The following STARD7 variants were observed in gnomAD, a reference collection of about 807,000 sequenced individuals.
The protein encoded by STARD7 is stAR-related lipid transfer protein 7, mitochondrial.
In STARD7, 30 loss-of-function variants were observed where a neutral mutation model predicts 45.3. The ratio of observed to expected loss-of-function variants is 0.66; its 90% CI spans 0.50 to 0.90. STARD7 has a LOEUF of 0.90. STARD7 is among the 40% of genes least tolerant of loss of function. The probability of loss-of-function intolerance (pLI) is 0.00; values close to 1 mark genes in which losing one functional copy is unlikely to be tolerated. For synonymous variants in STARD7, 199 were observed against 183.0 expected (o/e 1.09, Z -0.70); for missense variants, 495 against 491.3 (o/e 1.01, Z -0.07).
At chr2:96,207,645 A>T (rs1309898075) in intron 1 of STARD7, among the ~76,000 whole-genome samples, 1 of 152,122 alleles carries the variant, frequency 6.6e-6, no homozygotes, top group East Asian at 1.9e-4. Context: ...CCTGGACAAA[A>T]TCGCTTCCAG....
Position 96,193,156 on chromosome 2 carries a change from G to A in STARD7, c.665C>T (p.Pro222Leu), listed in dbSNP as rs764625182. The A allele has an allele frequency of 1.4e-4, 226 of 1,610,906 alleles. No homozygotes were observed. Among genetic ancestry groups the A allele is most frequent in the Non-Finnish European group, 1.8e-4 (209 of 1,177,210 alleles). Residue 222 changes from proline to leucine, a missense_variant, in exon 5 of 8, where the codon CCA becomes CTA. This residue lies in a region of STARD7 where 213 missense variants were observed against 271.2 expected (regional missense o/e 0.79). Transcript: ENST00000337288. The part of the protein sequence containing the change: ...VLHWVTHFPY[P>L]MYSRDYVYVR... ...ATAAACATAATCCCGTGAGTACATTGGATACTAAAGAAATGGAGGAGCAGG... is the reference window on the plus strand; with the variant it reads ...ATAAACATAATCCCGTGAGTACATTAGATACTAAAGAAATGGAGGAGCAGG...
chr2:96,191,659 T>G (rs984405274), intron 6 of STARD7, among the ~76,000 whole-genome samples: 8 of 149,460 alleles, frequency 5.4e-5, no homozygotes, highest in African/African-American at 7.7e-5. Flanking sequence ...TACTTTTTTT[T>G]TTGTTTTTTT....
In STARD7 at chr2:96,208,221, C is replaced by T. The variant is rs763832768; in HGVS notation, c.214G>A (p.Ala72Thr). The T allele has an allele frequency of 1.2e-6, 2 of 1,612,704 alleles. No individual in the cohort carries two copies. The highest frequency in any genetic ancestry group is 1.7e-6 in the Non-Finnish European group (2 of 1,179,622). ...WRRLHGRPGH[A>T]SALMAALAGV... ...GCTAACGCCGCCATCAAGGCAGAGG[C>T]ATGGCCAGGACGGCCGTGCAGCCGG... The change falls in exon 1 of 8, where the codon GCC becomes ACC. Residue 72 changes from alanine (A) to threonine (T), a missense_variant. Ala to Thr is a moderately conservative substitution (Grantham distance 58, BLOSUM62 0). Transcript: ENST00000337288.
intron 1 of STARD7, among the ~76,000 whole-genome samples, chr2:96,196,123 A>AC (rs1318913498): frequency 6.6e-6 from 1 of 150,538 alleles, no homozygotes; most frequent in African/African-American, 2.5e-5. Flanking sequence ...CAAAAAAAAA[A>AC]AAAAAACAAA....
In STARD7 at chr2:96,185,639, G is replaced by C. The variant is rs1683023824; in HGVS notation, c.*1091C>G. 1 of 152,206 alleles carries C rather than the reference G, an allele frequency of 6.6e-6. No individual in the cohort carries two copies. The highest frequency in any genetic ancestry group is 1.5e-5 in the Non-Finnish European group (1 of 68,046). The allele number at this position is 152,206 out of a possible 1,614,324, so 9.4% of individuals were successfully genotyped here. On this transcript the variant is annotated 3_prime_UTR_variant, in exon 8 of 8. Coordinates refer to ENST00000337288, the MANE Select transcript of STARD7 (RefSeq NM_020151.4). ...CATAAACCAAATCTCCACTGTATTA[G>C]TATTTGAGACAAGATTACATCTATG...
At chr2:96,192,505 T>A (rs1352525387) in intron 5 of STARD7, 37 bp from the exon 6 acceptor site, 2 of 1,495,496 alleles carry the variant, frequency 1.3e-6, no homozygotes, top group Non-Finnish European at 1.9e-6. Context: ...CTCTTAGTAA[T>A]GTCTATATAT....
chr2:96,202,602 G>A (rs1683324133), intron 1 of STARD7, among the ~76,000 whole-genome samples: 1 of 152,126 alleles, frequency 6.6e-6, no homozygotes, highest in African/African-American at 2.4e-5. Flanking sequence ...GGTCTATAAA[G>A]CATCCTTCAA....
chr2:96,197,081 T>TGC (rs1683227210), intron 1 of STARD7, among the ~76,000 whole-genome samples: 1 of 119,798 alleles, frequency 8.3e-6, no homozygotes, highest in Admixed American at 8.7e-5. Context: ...TAAAATAAAA[T>TGC]AAAATAAAAT....
rs1573945571 is a variant in STARD7 at position 96,200,618 on chromosome 2, C to G, written c.291-5069G>C. Among the ~76,000 whole-genome samples, 6 of 152,216 alleles carry G rather than the reference C, an allele frequency of 3.9e-5. No homozygotes were observed. In the South Asian group the frequency reaches 1.2e-3, roughly 32 times the overall value. On this transcript the variant is annotated intron_variant, in intron 1 of 7. Transcript: ENST00000337288. Reference sequence around the variant, plus strand: ...TGCAACGCTCGTGTTATTATTTAAACCTTTTTTATATATCTGAAACATTTT... The same window carrying G: ...TGCAACGCTCGTGTTATTATTTAAAGCTTTTTTATATATCTGAAACATTTT...
In STARD7 at chr2:96,192,969, G is replaced by T. The variant is rs183915409; in HGVS notation, c.743+109C>A. 7 of 766,530 alleles carry T rather than the reference G, an allele frequency of 9.1e-6. No homozygotes were observed. The East Asian group carries it at 1.3e-4, about 15-fold the overall frequency. The allele number at this position is 766,530 out of a possible 1,614,324, so 47.5% of individuals were successfully genotyped here. A position where few individuals can be genotyped will look rare whatever the true frequency, so the allele number is the denominator to read the frequency against. On this transcript the variant is annotated intron_variant, in intron 5 of 7. Transcript: ENST00000337288. ...GGATGGAAGGGGCACTGGCTGCAGGGAAGCCTGTGGGAGACTCATAGGACA... is the reference window on the plus strand; with the variant it reads ...GGATGGAAGGGGCACTGGCTGCAGGTAAGCCTGTGGGAGACTCATAGGACA...
Position 96,192,958 on chromosome 2 carries a change from C to T in STARD7, c.743+120G>A. The T allele has an allele frequency of 2.8e-6, 2 of 719,380 alleles. 1 individual carries two copies. Among genetic ancestry groups the T allele is most frequent in the South Asian group, 3.3e-5 (2 of 60,790 alleles). The allele number at this position is 719,380 out of a possible 1,614,324, so 44.6% of individuals were successfully genotyped here. ...ATCTTCTAGCTGGATGGAAGGGGCA[C>T]TGGCTGCAGGGAAGCCTGTGGGAGA... On this transcript the variant is annotated intron_variant, in intron 5 of 7. Transcript: ENST00000337288.
At chr2:96,187,345 A>G (rs769828311) in intron 6 of STARD7, 44 bp from the exon 7 acceptor site, 2 of 1,209,986 alleles carry the variant, frequency 1.7e-6, no homozygotes, top group Non-Finnish European at 1.2e-6. Flanking sequence ...TGAATCACCA[A>G]CCACAACCTC....
intron 1 of STARD7, among the ~76,000 whole-genome samples, chr2:96,200,550 C>T (rs1289515981): frequency 6.6e-6 from 1 of 152,086 alleles, no homozygotes; most frequent in African/African-American, 2.4e-5. Context: ...CAGAGGAACC[C>T]TAAGTATACT....
intron 2 of STARD7, 115 bp downstream of exon 2, chr2:96,195,226 A>G (rs923615202): frequency 9.7e-7 from 1 of 1,031,370 alleles, no homozygotes; most frequent in Admixed American, 2.6e-5. Flanking sequence ...AATAAACAAA[A>G]AACTACGGCA....
intron 6 of STARD7, 102 bp from the exon 7 acceptor site, chr2:96,187,403 G>A: frequency 1.3e-6 from 1 of 743,056 alleles, no homozygotes; most frequent in Non-Finnish European, 2.3e-6. Context: ...GGAGCAGGGA[G>A]TGTCATTTCT....
intron 5 of STARD7, 119 bp downstream of exon 5, chr2:96,192,959 T>G (rs1026705429): frequency 5.8e-5 from 42 of 720,712 alleles, no homozygotes; most frequent in Non-Finnish European, 1.0e-4. Flanking sequence ...GAAGGGGCAC[T>G]GGCTGCAGGG....
intron 3 of STARD7, 49 bp downstream of exon 3, chr2:96,194,909 C>G (rs1354043155): frequency 6.7e-7 from 1 of 1,481,650 alleles, no homozygotes; most frequent in Non-Finnish European, 9.3e-7. Flanking sequence ...TAGACAGTAG[C>G]AATTGATATG....
intron 1 of STARD7, among the ~76,000 whole-genome samples, chr2:96,202,882 A>G (rs1274297733): frequency 6.6e-6 from 1 of 152,134 alleles, no homozygotes; most frequent in Non-Finnish European, 1.5e-5. Flanking sequence ...TATAGGCAAC[A>G]TTTTTTCATG....
intron 5 of STARD7, among the ~76,000 whole-genome samples, chr2:96,192,822 T>C (rs1480128121): frequency 6.6e-6 from 1 of 152,176 alleles, no homozygotes; most frequent in East Asian, 1.9e-4. Flanking sequence ...CACTAGGCTG[T>C]GGGTCAAAAA....
Sources: gnomAD v4.1 joint callset for allele counts (sites outside exome capture counted in the v4.1 genomes callset) on GRCh38, gnomAD v4.1.1 for gene constraint, gnomAD v4.1.1 regional missense constraint, MANE v1.5 for transcripts, NCBI Gene and HGNC (gene_info 2026-07-23, HGNC 2026-07-21) for gene names.